Variants in INPP4A observed in about 807,000 individuals in gnomAD.
The protein encoded by INPP4A is inositol polyphosphate-4-phosphatase, type I, 107kD.
INPP4A carries 33 observed loss-of-function variants against 119.8 expected under a neutral mutation model. That is an observed-to-expected ratio of 0.28 (90% CI 0.21 to 0.37). INPP4A has a LOEUF of 0.37. Ranked by LOEUF, INPP4A falls within the 10% of genes least tolerant of loss-of-function variation. INPP4A has a pLI of 1.00. For synonymous variants in INPP4A, 496 were observed against 500.7 expected, an observed-to-expected ratio of 0.99 and a Z score of 0.12; for missense variants, 956 against 1,289.9, an observed-to-expected ratio of 0.74 and a Z score of 3.97.
intron 16 of INPP4A, chr2:98,556,032 C>A (rs1183926770): frequency 1.9e-6 from 1 of 533,608 alleles, no homozygotes; most frequent in African/African-American, 1.9e-5. Flanking sequence ...TGCATCTCTG[C>A]CAGTCAGAAT....
intron 24 of INPP4A, among the ~76,000 whole-genome samples, chr2:98,584,870 C>T (rs566555642): frequency 3.3e-5 from 5 of 152,286 alleles, no homozygotes; most frequent in African/African-American, 1.2e-4. Context: ...AGGCCAAATA[C>T]GTATGCAAAA....
chr2:98,587,689 C>T lies in INPP4A; in HGVS notation c.*81C>T, dbSNP rs1700090039. 7.4e-6 allele frequency: 8 copies of T among 1,082,166 alleles called. No individual in the cohort carries two copies. Among genetic ancestry groups the T allele is most frequent in the South Asian group, 1.7e-5 (1 of 59,582 alleles). The allele number at this position is 1,082,166 out of a possible 1,614,324, so 67.0% of individuals were successfully genotyped here. A position where few individuals can be genotyped will look rare whatever the true frequency, so the allele number is the denominator to read the frequency against. ...TCATATATGAATTCTTCAAGAAGAC[C>T]TGAAGGATTGGTTTTTATTTTTTGT... On this transcript the variant is annotated 3_prime_UTR_variant, in exon 25 of 25. Coordinates refer to ENST00000409851, the MANE Select transcript of INPP4A (RefSeq NM_001134225.2).
chr2:98,448,371 A>C (rs911228638), intron 1 of INPP4A, among the ~76,000 whole-genome samples: 11 of 151,416 alleles, frequency 7.3e-5, no homozygotes, highest in South Asian at 2.1e-4. Flanking sequence ...AAAAAAAAAA[A>C]AAATCATGAA....
At chr2:98,488,489 G>A (rs754899448) in intron 1 of INPP4A, among the ~76,000 whole-genome samples, 2 of 152,116 alleles carry the variant, frequency 1.3e-5, no homozygotes, top group African/African-American at 2.4e-5. Context: ...CACCTCATTC[G>A]GAGTTCTGTA....
intron 1 of INPP4A, among the ~76,000 whole-genome samples, chr2:98,501,387 T>C (rs1002488215): frequency 6.6e-6 from 1 of 152,188 alleles, no homozygotes; most frequent in African/African-American, 2.4e-5. Context: ...AAGGTCATGG[T>C]AGAAGCAATG....
chr2:98,502,670 C>A (rs1683339861), intron 1 of INPP4A, among the ~76,000 whole-genome samples: 1 of 152,180 alleles, frequency 6.6e-6, no homozygotes, highest in Non-Finnish European at 1.5e-5. Context: ...TACTCGTTAG[C>A]ATTTTCCATG....
chr2:98,477,878 T>C (rs1677580814), intron 1 of INPP4A, among the ~76,000 whole-genome samples: 1 of 152,174 alleles, frequency 6.6e-6, no homozygotes, highest in Non-Finnish European at 1.5e-5. Context: ...TGGCATGGAT[T>C]GGAAATGGAG....
chr2:98,545,340 G>A (rs1324809379), intron 11 of INPP4A, among the ~76,000 whole-genome samples: 1 of 152,170 alleles, frequency 6.6e-6, no homozygotes, highest in East Asian at 1.9e-4. Flanking sequence ...ATAGAAACAA[G>A]ATTGTGCATA....
Position 98,551,368 on chromosome 2 carries a change from G to A in INPP4A, c.1164-1418G>A, listed in dbSNP as rs556549871. On this transcript the variant is annotated intron_variant, in intron 13 of 24. Transcript: ENST00000409851. Reference sequence around the variant, plus strand: ...TGGAAAGTAGTGTGCACATCATGCTGTGGAATGACTCCTGTTGTGCCCCAC... The same window carrying A: ...TGGAAAGTAGTGTGCACATCATGCTATGGAATGACTCCTGTTGTGCCCCAC... Among the ~76,000 whole-genome samples the A allele has an allele frequency of 1.5e-4, 23 of 152,344 alleles. No individual in the cohort carries two copies. In the East Asian group the frequency reaches 4.4e-3, roughly 29 times the overall value.
At chr2:98,491,737 G>A (rs894863271) in intron 1 of INPP4A, among the ~76,000 whole-genome samples, 3 of 152,174 alleles carry the variant, frequency 2.0e-5, no homozygotes, top group African/African-American at 7.2e-5. Flanking sequence ...ACACAGTCAT[G>A]GGCAGGGTTG....
chr2:98,507,093 T>C (rs1433465217), intron 1 of INPP4A, among the ~76,000 whole-genome samples: 1 of 152,224 alleles, frequency 6.6e-6, no homozygotes. Context: ...TGGCCACTGC[T>C]GTTTTGACCA....
chr2:98,497,010 G>A (rs1312743445), intron 1 of INPP4A, among the ~76,000 whole-genome samples: 3 of 152,290 alleles, frequency 2.0e-5, no homozygotes, highest in South Asian at 4.2e-4. Context: ...CCTACTCTTA[G>A]CAGGTCAGAT....
Position 98,584,481 on chromosome 2 carries a change from C to T in INPP4A, c.2787-2995C>T, listed in dbSNP as rs144876736. Among the ~76,000 whole-genome samples, 272 of 152,362 alleles carry T rather than the reference C, an allele frequency of 1.8e-3. 1 individual carries two copies. Among genetic ancestry groups the T allele is most frequent in the African/African-American group, 5.7e-3 (237 of 41,590 alleles). On this transcript the variant is annotated intron_variant, in intron 24 of 24. Transcript: ENST00000409851. Reference sequence around the variant, plus strand: ...ATGCTTCTGTGGCACCCTCCAGGGACGCCTCCCAGGACCCTGCCCCATAGC... The same window carrying T: ...ATGCTTCTGTGGCACCCTCCAGGGATGCCTCCCAGGACCCTGCCCCATAGC...
rs778113153 is a variant in INPP4A, at chr2:98,590,391, A to G, written c.*2783A>G. 6 of 187,512 alleles carry G rather than the reference A, an allele frequency of 3.2e-5. No individual in the cohort carries two copies. Among genetic ancestry groups the G allele is most frequent in the Non-Finnish European group, 5.6e-5 (5 of 88,982 alleles). 11.6% of individuals were successfully genotyped at this position (187,512 alleles called of 1,614,324 possible). A position where few individuals can be genotyped will look rare whatever the true frequency, so the allele number is the denominator to read the frequency against. ...TTGGGAGCACACAGACCAGGTCCCA[A>G]TCCTGGTTCTGCCCCTGACTGGCTG... is the stretch of plus-strand genomic sequence containing the variant. On this transcript the variant is annotated 3_prime_UTR_variant, in exon 25 of 25. Transcript: ENST00000409851.
chr2:98,541,622 C>T (rs1313201341), intron 10 of INPP4A, among the ~76,000 whole-genome samples: 4 of 152,164 alleles, frequency 2.6e-5, no homozygotes, highest in Admixed American at 6.5e-5. Flanking sequence ...TGCTCTGTCA[C>T]CCAGGCTGGA....
chr2:98,483,966 C>G (rs930846287), intron 1 of INPP4A, among the ~76,000 whole-genome samples: 1 of 152,188 alleles, frequency 6.6e-6, no homozygotes, highest in Admixed American at 6.5e-5. Flanking sequence ...TGCCCACACC[C>G]CATCTCTTCA....
intron 1 of INPP4A, among the ~76,000 whole-genome samples, chr2:98,455,143 G>C (rs1250874284): frequency 6.6e-6 from 1 of 152,046 alleles, no homozygotes; most frequent in Non-Finnish European, 1.5e-5. Context: ...GTTCAGACCG[G>C]CCTGAGCAAC....
intron 1 of INPP4A, among the ~76,000 whole-genome samples, chr2:98,468,569 G>A (rs963883755): frequency 1.3e-5 from 2 of 151,992 alleles, no homozygotes; most frequent in Non-Finnish European, 2.9e-5. Flanking sequence ...GTGCCACTAG[G>A]GGAGGGTAAT....
In INPP4A at chr2:98,554,235, C is replaced by T. The variant is rs377081705; in HGVS notation, c.1348-36C>T. 1,466 of 1,539,674 alleles carry T rather than the reference C, an allele frequency of 9.5e-4. No individual in the cohort carries two copies. The highest frequency in any genetic ancestry group is 1.2e-3 in the Non-Finnish European group (1,360 of 1,134,394). ...GGCAGGGGCCTCCCCAGCCCCTGGC[C>T]TGGGCTCAGCAGCCTTGGTTTGTGT... On this transcript the variant is annotated intron_variant, in intron 14 of 24. Coordinates refer to ENST00000409851, the MANE Select transcript of INPP4A (RefSeq NM_001134225.2). The surrounding 1 kb of genome is among the most constrained non-coding windows in gnomAD (Gnocchi z 4.7).
Sources: allele counts gnomAD v4.1 joint callset (sites outside exome capture counted in the v4.1 genomes callset), GRCh38; gene constraint gnomAD v4.1.1; non-coding constraint Gnocchi (gnomAD v3.1); transcripts MANE v1.5; gene names NCBI Gene and HGNC (gene_info 2026-07-23, HGNC 2026-07-21).